Variants in DISC1 observed in about 807,000 individuals in gnomAD.
The protein encoded by DISC1 is disrupted in schizophrenia 1 protein.
DISC1 carries 57 observed loss-of-function variants against 84.5 expected under a neutral mutation model. The ratio of observed to expected loss-of-function variants is 0.67; its 90% CI spans 0.55 to 0.84. The LOEUF (loss-of-function observed/expected upper bound fraction) is 0.84, where lower values mean the gene tolerates loss of function less well. Among genes scored for constraint, DISC1 ranks in the 40% least tolerant of loss-of-function variants. The probability of loss-of-function intolerance (pLI) is 0.00; values close to 1 mark genes in which losing one functional copy is unlikely to be tolerated. For synonymous variants in DISC1, 411 were observed against 415.2 expected, an observed-to-expected ratio of 0.99 and a Z score of 0.12; for missense variants, 1,000 against 1,057.8, an observed-to-expected ratio of 0.95 and a Z score of 0.76.
At chr1:231,888,194 A>G (rs1370813948) in intron 9 of DISC1, among the ~76,000 whole-genome samples, 5 of 152,156 alleles carry the variant, frequency 3.3e-5, no homozygotes, top group Non-Finnish European at 5.9e-5. Context: ...AAGGGTACTG[A>G]GGGAGTTCTT....
At chr1:232,036,539 T>A (rs1429712813) in intron 12 of DISC1, among the ~76,000 whole-genome samples, 153 bp from the exon 13 acceptor site, 1 of 152,212 alleles carries the variant, frequency 6.6e-6, no homozygotes, top group Non-Finnish European at 1.5e-5. Context: ...AAAGTTTATA[T>A]TAATATTTAA....
intron 10 of DISC1, among the ~76,000 whole-genome samples, chr1:231,992,454 T>A (rs1665344534): frequency 1.3e-5 from 2 of 152,238 alleles, no homozygotes; most frequent in Admixed American, 6.5e-5. Context: ...TTCTAATATG[T>A]CATTTGTATT....
At chr1:231,915,300 T>C (rs2089535473) in intron 9 of DISC1, among the ~76,000 whole-genome samples, 1 of 152,154 alleles carries the variant, frequency 6.6e-6, no homozygotes, top group South Asian at 2.1e-4. Flanking sequence ...ACTTCATGGC[T>C]TATGGAAACA....
At chr1:232,013,804 G>C (rs147425584) in intron 11 of DISC1, among the ~76,000 whole-genome samples, 181 of 152,282 alleles carry the variant, frequency 1.2e-3, no homozygotes, top group African/African-American at 4.1e-3. Flanking sequence ...GCCTTCAAGG[G>C]AGAAGGAAGA....
intron 11 of DISC1, among the ~76,000 whole-genome samples, chr1:232,017,425 AAAATAT>A (rs1273545581): frequency 6.6e-6 from 1 of 151,666 alleles, no homozygotes; most frequent in African/African-American, 2.4e-5. Context: ...CTATAGCCCC[AAAATAT>A]GTAAAATATG....
intron 9 of DISC1, among the ~76,000 whole-genome samples, chr1:231,904,882 G>A (rs2088510812): frequency 6.6e-6 from 1 of 152,112 alleles, no homozygotes; most frequent in African/African-American, 2.4e-5. Flanking sequence ...CTGCCAAACA[G>A]GGCATAAATC....
intron 9 of DISC1, among the ~76,000 whole-genome samples, chr1:231,840,704 TTTTTTG>T (rs1002948962): frequency 4.6e-5 from 7 of 151,596 alleles, no homozygotes; most frequent in African/African-American, 1.5e-4. Context: ...TTGTTTTTTT[TTTTTTG>T]TTGTTGTTGT....
In DISC1 at chr1:231,968,791, G is replaced by A. The variant is rs139493819; in HGVS notation, c.2042+9903G>A. ...GCCTCATGAGTAACCCCTCTCCTGA[G>A]GATTGTTATTTTCAAGTACCAGCTC... On this transcript the variant is annotated intron_variant, in intron 10 of 12. Coordinates refer to ENST00000439617, the MANE Select transcript of DISC1 (RefSeq NM_018662.3). 2.8e-3 allele frequency among the ~76,000 whole-genome samples: 421 copies of A among 152,056 alleles called. 5 individuals carry two copies. The highest frequency in any genetic ancestry group is 9.6e-3 in the African/African-American group (400 of 41,474).
intron 9 of DISC1, among the ~76,000 whole-genome samples, chr1:231,868,102 T>C (rs764848670): frequency 6.6e-6 from 1 of 152,148 alleles, no homozygotes; most frequent in Non-Finnish European, 1.5e-5. Flanking sequence ...CATAAAAAAA[T>C]AAACAGTTGT....
At chr1:231,770,742 T>C (rs928918143) in intron 5 of DISC1, 93 bp from the exon 6 acceptor site, 40 of 1,550,814 alleles carry the variant, frequency 2.6e-5, no homozygotes, top group South Asian at 1.8e-4. Context: ...CTGGTGCATA[T>C]GGCCAATTCT....
chr1:231,628,348 G>A (rs79321163), intron 1 of DISC1, among the ~76,000 whole-genome samples: 1 of 152,140 alleles, frequency 6.6e-6, no homozygotes, highest in Non-Finnish European at 1.5e-5. Context: ...TGTACTGATC[G>A]CATTGCCTGA....
intron 1 of DISC1, chr1:231,670,852 T>C (rs767779187): frequency 1.1e-4 from 17 of 152,090 alleles, no homozygotes; most frequent in Non-Finnish European, 2.5e-4. Context: ...CATCTAGAGG[T>C]TTTTAATCAA....
chr1:231,767,511 G>T (rs1031945765), intron 5 of DISC1, among the ~76,000 whole-genome samples: 1 of 152,184 alleles, frequency 6.6e-6, no homozygotes, highest in Admixed American at 6.5e-5. Context: ...TGCTCAGGCT[G>T]CTCTTGAACT....
intron 10 of DISC1, among the ~76,000 whole-genome samples, chr1:231,979,582 A>G (rs1346629055): frequency 6.6e-6 from 1 of 151,196 alleles, no homozygotes; most frequent in African/African-American, 2.4e-5. Flanking sequence ...GGTTCCAAAT[A>G]TCCTCAGTAT....
intron 9 of DISC1, among the ~76,000 whole-genome samples, chr1:231,886,754 TCTTC>T (rs547981455): frequency 0.062 from 7,749 of 124,026 alleles, 368 homozygotes; most frequent in South Asian, 0.083. Context: ...TTTCTTCCTT[TCTTC>T]CTTCCTTCCT....
chr1:231,751,758 A>G (rs1409882749), intron 4 of DISC1, among the ~76,000 whole-genome samples: 2 of 152,330 alleles, frequency 1.3e-5, no homozygotes, highest in Non-Finnish European at 2.9e-5. Context: ...TTCTCATAGT[A>G]TAGTGTCTTC....
chr1:231,977,241 G>C (rs1401244148), intron 10 of DISC1, among the ~76,000 whole-genome samples: 2 of 152,164 alleles, frequency 1.3e-5, no homozygotes, highest in Non-Finnish European at 2.9e-5. Context: ...GTAACAAATT[G>C]TCACAAACTT....
At chr1:231,713,296 T>C (rs2068117874) in intron 3 of DISC1, among the ~76,000 whole-genome samples, 1 of 152,104 alleles carries the variant, frequency 6.6e-6, no homozygotes, top group African/African-American at 2.4e-5. Context: ...GCAAAATAAG[T>C]GGACAGAAAC....
chr1:231,740,029 C>G (rs1169235854), intron 3 of DISC1, among the ~76,000 whole-genome samples: 2 of 152,154 alleles, frequency 1.3e-5, no homozygotes, highest in East Asian at 3.9e-4. Context: ...TGCCCTTATA[C>G]GAAGAAACCA....
Sources: gnomAD v4.1 joint callset for allele counts (sites outside exome capture counted in the v4.1 genomes callset) on GRCh38, gnomAD v4.1.1 for gene constraint, MANE v1.5 for transcripts, NCBI Gene and HGNC (gene_info 2026-07-23, HGNC 2026-07-21) for gene names.